The following MAPRE2 variants were observed in gnomAD, a reference collection of about 807,000 sequenced individuals.
MAPRE2 encodes microtubule-associated protein RP/EB family member 2.
MAPRE2 carries 13 observed loss-of-function variants against 43.2 expected under a neutral mutation model. The observed-to-expected ratio is 0.30, with a 90% CI of 0.20 to 0.48. The LOEUF (loss-of-function observed/expected upper bound fraction) is 0.48, where lower values mean the gene tolerates loss of function less well. Among genes scored for constraint, MAPRE2 ranks in the 20% least tolerant of loss-of-function variants. MAPRE2 has a pLI of 0.99. For synonymous variants in MAPRE2, 135 were observed against 148.8 expected (o/e 0.91, Z 0.68); for missense variants, 161 against 400.2 (o/e 0.40, Z 5.10).
intron 2 of MAPRE2, among the ~76,000 whole-genome samples, chr18:35,088,431 G>T (rs527332015): frequency 6.6e-6 from 1 of 152,288 alleles, no homozygotes; most frequent in Admixed American, 6.5e-5. Context: ...ATAGACAGAG[G>T]CCTGATAACA....
rs1351177275 is a variant in MAPRE2, at chr18:35,141,262, G to A, written c.*893G>A. ...CCTCATTCCTCTTCCTCTTTGTGTAGGTTTCAGCCACAAAACTGTCATTCA... is the reference window on the plus strand; with the variant it reads ...CCTCATTCCTCTTCCTCTTTGTGTAAGTTTCAGCCACAAAACTGTCATTCA... On this transcript the variant is annotated 3_prime_UTR_variant, in exon 7 of 7. Coordinates refer to ENST00000300249, the MANE Select transcript of MAPRE2 (RefSeq NM_014268.4). The A allele has an allele frequency of 6.6e-6, 1 of 152,244 alleles. No homozygotes were observed. Among genetic ancestry groups the A allele is most frequent in the Non-Finnish European group, 1.5e-5 (1 of 68,112 alleles). The allele number at this position is 152,244 out of a possible 1,614,324, so 9.4% of individuals were successfully genotyped here. A position where few individuals can be genotyped will look rare whatever the true frequency, so the allele number is the denominator to read the frequency against.
intron 2 of MAPRE2, among the ~76,000 whole-genome samples, chr18:35,020,999 G>A (rs1280840101): frequency 2.0e-5 from 3 of 152,132 alleles, no homozygotes; most frequent in African/African-American, 7.2e-5. Context: ...AAAGACTTCA[G>A]AAGATGTGGT....
At chr18:35,037,520 C>T (rs999288117), upstream of MAPRE2, among the ~76,000 whole-genome samples, 2 of 152,164 alleles carry the variant, frequency 1.3e-5, no homozygotes, top group Non-Finnish European at 2.9e-5. Flanking sequence ...GAGTTATTTT[C>T]CAATAGGCAG....
intron 2 of MAPRE2, among the ~76,000 whole-genome samples, chr18:35,076,601 C>T (rs1254451859): frequency 6.6e-6 from 1 of 152,134 alleles, no homozygotes; most frequent in Non-Finnish European, 1.5e-5. Context: ...TGTCTTATGA[C>T]ACAGGGACTC....
intron 4 of MAPRE2, among the ~76,000 whole-genome samples, chr18:35,111,114 C>A (rs1909155960): frequency 1.3e-5 from 2 of 152,160 alleles, no homozygotes; most frequent in Non-Finnish European, 1.5e-5. Flanking sequence ...GTCCCTGAGG[C>A]ACAGTTGATT....
intron 1 of MAPRE2, among the ~76,000 whole-genome samples, chr18:35,065,256 CT>C (rs1652469557): frequency 1.3e-5 from 2 of 151,700 alleles, no homozygotes; most frequent in Admixed American, 6.5e-5. Context: ...CAAGATCGCG[CT>C]GCTGCACTCC....
intron 1 of MAPRE2, among the ~76,000 whole-genome samples, chr18:35,053,201 C>T (rs1273133200): frequency 6.6e-6 from 1 of 151,980 alleles, no homozygotes; most frequent in African/African-American, 2.4e-5. Flanking sequence ...TGAGATCAGC[C>T]TGGCCAACAT....
rs551788954 is a variant in MAPRE2 at position 35,097,707 on chromosome 18, G to C, written c.396+116G>C. 29 of 858,648 alleles carry C rather than the reference G, an allele frequency of 3.4e-5. No individual in the cohort carries two copies. The African/African-American group carries it at 4.4e-4, about 13-fold the overall frequency. 53.2% of individuals were successfully genotyped at this position (858,648 alleles called of 1,614,324 possible). ...ATATATCTTGATATCCCAACAGTAG[G>C]CTGGGGTCTGTACCTAGCATAAAGC... On this transcript the variant is annotated intron_variant, in intron 3 of 6. Coordinates refer to ENST00000300249, the MANE Select transcript of MAPRE2 (RefSeq NM_014268.4).
At chr18:34,994,925 T>A (rs1200116852) in intron 1 of MAPRE2, among the ~76,000 whole-genome samples, 1 of 152,192 alleles carries the variant, frequency 6.6e-6, no homozygotes, top group Non-Finnish European at 1.5e-5. Flanking sequence ...GCTTTACAAA[T>A]GATAGTTGAA....
At chr18:35,086,453 C>A (rs1907884618) in intron 2 of MAPRE2, among the ~76,000 whole-genome samples, 2 of 151,650 alleles carry the variant, frequency 1.3e-5, no homozygotes, top group Non-Finnish European at 2.9e-5. Flanking sequence ...ATCTATCAAG[C>A]CCAAGATTCT....
At chr18:35,092,937 C>T (rs1369420909) in intron 2 of MAPRE2, among the ~76,000 whole-genome samples, 1 of 152,064 alleles carries the variant, frequency 6.6e-6, no homozygotes, top group Non-Finnish European at 1.5e-5. Context: ...AGAGGCCAGG[C>T]GCAGTGGCTC....
intron 3 of MAPRE2, among the ~76,000 whole-genome samples, chr18:35,101,258 A>G (rs772591161): frequency 1.9e-4 from 29 of 151,990 alleles, no homozygotes; most frequent in Non-Finnish European, 4.1e-4. Context: ...TTTTTTTTCT[A>G]TTTTTAATTT....
intron 1 of MAPRE2, among the ~76,000 whole-genome samples, chr18:35,062,302 A>G (rs919267443): frequency 2.6e-5 from 4 of 152,344 alleles, no homozygotes; most frequent in Admixed American, 6.5e-5. Flanking sequence ...TGAATGTACA[A>G]TTTGCAGGTT....
At chr18:35,003,006 T>C (rs2097030115) in intron 1 of MAPRE2, among the ~76,000 whole-genome samples, 1 of 152,224 alleles carries the variant, frequency 6.6e-6, no homozygotes, top group African/African-American at 2.4e-5. Context: ...TTTTTTGTTT[T>C]TTCTATAAGT....
chr18:35,043,115 C>T (rs964710732), intron 1 of MAPRE2, among the ~76,000 whole-genome samples: 1 of 152,176 alleles, frequency 6.6e-6, no homozygotes, highest in Non-Finnish European at 1.5e-5. Flanking sequence ...CAAAATTCCT[C>T]CACAACTTCT....
chr18:35,126,023 G>A (rs182017712), intron 4 of MAPRE2, among the ~76,000 whole-genome samples: 27 of 152,270 alleles, frequency 1.8e-4, no homozygotes, highest in South Asian at 4.1e-4. Flanking sequence ...TATTAGTTAC[G>A]GATGTTGCAA....
At chr18:35,035,139 T>G (rs1015670108) in intron 2 of MAPRE2, among the ~76,000 whole-genome samples, 35 of 151,786 alleles carry the variant, frequency 2.3e-4, no homozygotes, top group African/African-American at 8.5e-4. Flanking sequence ...TAGACTGGAT[T>G]AAGAAAATGT....
chr18:35,057,722 A>G (rs1906312477), intron 1 of MAPRE2, among the ~76,000 whole-genome samples: 1 of 152,244 alleles, frequency 6.6e-6, no homozygotes, highest in African/African-American at 2.4e-5. Flanking sequence ...AGGGAAAAGA[A>G]GGATGAACTC....
At chr18:35,027,228 G>A (rs1340907467) in intron 2 of MAPRE2, among the ~76,000 whole-genome samples, 1 of 152,178 alleles carries the variant, frequency 6.6e-6, no homozygotes, top group Non-Finnish European at 1.5e-5. Context: ...TGTTACCAGT[G>A]GTGTTGATAG....
Sources: gnomAD v4.1 joint callset for allele counts (sites outside exome capture counted in the v4.1 genomes callset) on GRCh38, gnomAD v4.1.1 for gene constraint, MANE v1.5 for transcripts, NCBI Gene and HGNC (gene_info 2026-07-23, HGNC 2026-07-21) for gene names.